The following ZNF527 variants were observed in gnomAD, a reference collection of about 807,000 sequenced individuals.
ZNF527 encodes zinc finger protein 527.
A neutral mutation model predicts 13.5 loss-of-function variants in ZNF527; 5 were observed. The ratio of observed to expected loss-of-function variants is 0.37; its 90% CI spans 0.19 to 0.78. The LOEUF is 0.78. Ranked by LOEUF, ZNF527 falls within the 30% of genes least tolerant of loss-of-function variation. ZNF527 has a pLI of 0.48. For missense variants in ZNF527, 628 were observed against 726.4 expected, an observed-to-expected ratio of 0.86 and a Z score of 1.56; for synonymous variants, 209 against 243.1, an observed-to-expected ratio of 0.86 and a Z score of 1.30.
rs768280603 is a variant in ZNF527, at chr19:37,388,787, T to TA, written c.738_739insA (p.Glu247ArgfsTer4). 1.3e-5 allele frequency: 21 copies of TA among 1,612,938 alleles called. No homozygotes were observed. In the Admixed American group the frequency reaches 3.5e-4, roughly 27 times the overall value. The stretch of plus-strand genomic sequence containing the variant: ...GAATTCCTCCTGGGGAGAAACCTTA[T>TA]GAAAGTCATGATTTTTCAAAGCTCT... On this transcript the variant is annotated frameshift_variant, in exon 5 of 5. Transcript: ENST00000436120. LOFTEE classifies it low-confidence loss of function (END_TRUNC).
intron 4 of ZNF527, among the ~76,000 whole-genome samples, 200 bp downstream of exon 4, chr19:37,380,572 G>A (rs939217461): frequency 6.6e-6 from 1 of 152,022 alleles, no homozygotes; most frequent in African/African-American, 2.4e-5. Flanking sequence ...CCTATACCTT[G>A]AATCTCAATC....
At chr19:37,387,492 CT>C (rs1373576701) in intron 4 of ZNF527, among the ~76,000 whole-genome samples, 2 of 152,218 alleles carry the variant, frequency 1.3e-5, no homozygotes, top group African/African-American at 4.8e-5. Flanking sequence ...GCTTTCCCCC[CT>C]CTACTAGGTA....
rs748814100 is a variant in ZNF527 at position 37,388,354 on chromosome 19, T to A, written c.305T>A (p.Ile102Asn). 2 of 1,613,962 alleles carry A rather than the reference T, an allele frequency of 1.2e-6. No homozygotes were observed. Among genetic ancestry groups the A allele is most frequent in the Non-Finnish European group, 1.7e-6 (2 of 1,179,988 alleles). Residue 102 changes from isoleucine to asparagine, a missense_variant, in exon 5 of 5, where the codon ATT (isoleucine) becomes AAT (asparagine). Transcript: ENST00000436120. ...GAGGAATTATCTCCAAAATGGTTCA[T>A]TGATGAAGATGAAATATCCCAGGAG... ...EIEELSPKWF[I>N]DEDEISQEMV...
At chr19:37,381,412 T>G (rs529936512) in intron 4 of ZNF527, among the ~76,000 whole-genome samples, 32 of 152,348 alleles carry the variant, frequency 2.1e-4, no homozygotes, top group African/African-American at 7.0e-4. Flanking sequence ...GCACTCAATT[T>G]GGATCTATCT....
At chr19:37,379,019 C>A in intron 2 of ZNF527, 101 bp from the exon 3 acceptor site, 1 of 1,311,604 alleles carries the variant, frequency 7.6e-7, no homozygotes. Context: ...AATTATTTTC[C>A]TCGCATCACT....
At chr19:37,380,236 C>A in intron 3 of ZNF527, 41 bp from the exon 4 acceptor site, 1 of 1,610,448 alleles carries the variant, frequency 6.2e-7, no homozygotes, top group Admixed American at 1.7e-5. Flanking sequence ...GTCTGTATGT[C>A]TTTCTGTCTC....
chr19:37,387,602 T>C (rs892690144), intron 4 of ZNF527, among the ~76,000 whole-genome samples: 1 of 152,234 alleles, frequency 6.6e-6, no homozygotes, highest in African/African-American at 2.4e-5. Context: ...TTCTAAAAAA[T>C]AGTTTTATTT....
intron 1 of ZNF527, among the ~76,000 whole-genome samples, chr19:37,372,468 T>A (rs1382837992): frequency 6.7e-5 from 4 of 60,000 alleles, no homozygotes; most frequent in African/African-American, 5.8e-4. Context: ...TTTTCTTTTC[T>A]TTTTTTTTTT....
At chr19:37,386,947 C>T (rs1212380947) in intron 4 of ZNF527, among the ~76,000 whole-genome samples, 1 of 149,922 alleles carries the variant, frequency 6.7e-6, no homozygotes, top group African/African-American at 2.4e-5. Context: ...TGACAAAGGA[C>T]AGGCGAACAA....
At position 37,383,610 on chromosome 19, in the gene ZNF527, C is replaced by G. The variant is rs145395361; in HGVS notation, c.256+3238C>G. On this transcript the variant is annotated intron_variant, in intron 4 of 4. Transcript: ENST00000436120. ...CTGGAGTGCAGTGGCGCAATCTTGG[C>G]TCACTGCAATCTCCACCTCCTGGGT... Among the ~76,000 whole-genome samples the G allele has an allele frequency of 2.2e-4, 34 of 151,222 alleles. No homozygotes were observed. The East Asian group carries it at 6.5e-3, about 29-fold the overall frequency.
intron 4 of ZNF527, chr19:37,384,904 A>G (rs1004113686): frequency 1.4e-6 from 1 of 701,622 alleles, no homozygotes; most frequent in East Asian, 2.7e-5. Context: ...GTGCAGTGGC[A>G]TGATCTTGGC....
In ZNF527 at chr19:37,389,082, C is replaced by A; in HGVS notation, c.1033C>A (p.Leu345Ile). 6.2e-7 allele frequency: 1 copy of A among 1,614,162 alleles called. No individual in the cohort carries two copies. The highest frequency in any genetic ancestry group is 8.5e-7 in the Non-Finnish European group (1 of 1,180,022). ...CAAAGCTTTCAGACAGAGTGCTCAC[C>A]TTGCTCAACATCAGAGGATCCACAC... is the stretch of plus-strand genomic sequence containing the variant. ...CNKAFRQSAH[L>I]AQHQRIHTGE... The change falls in exon 5 of 5, where the codon CTT (leucine) becomes ATT (isoleucine). Residue 345 changes from leucine (L) to isoleucine (I), a missense_variant. Coordinates refer to ENST00000436120, the MANE Select transcript of ZNF527 (RefSeq NM_032453.2).
intron 4 of ZNF527, among the ~76,000 whole-genome samples, chr19:37,382,406 T>G (rs1461050725): frequency 1.3e-5 from 2 of 152,210 alleles, no homozygotes; most frequent in Non-Finnish European, 2.9e-5. Context: ...TTTTATATAC[T>G]AAAACTATCA....
At chr19:37,371,584 G>C (rs1337590289) in intron 1 of ZNF527, among the ~76,000 whole-genome samples, 4 of 152,182 alleles carry the variant, frequency 2.6e-5, no homozygotes, top group Non-Finnish European at 5.9e-5. Context: ...GTGGTTATGT[G>C]ACCACCTGTT....
intron 4 of ZNF527, 82 bp downstream of exon 4, chr19:37,380,454 G>GTTCTCATCCCACCTGAA: frequency 8.5e-7 from 1 of 1,173,032 alleles, no homozygotes; most frequent in Non-Finnish European, 1.2e-6. Flanking sequence ...TTGAGCTTCA[G>GTTCTCATCCCACCTGAA]GTGGGATGAG....
At chr19:37,378,571 A>G (rs2040626434) in intron 2 of ZNF527, among the ~76,000 whole-genome samples, 1 of 152,250 alleles carries the variant, frequency 6.6e-6, no homozygotes, top group South Asian at 2.1e-4. Context: ...GTTCAGTGCT[A>G]TAGCCTAAAC....
chr19:37,375,931 C>T (rs569171070), intron 2 of ZNF527, among the ~76,000 whole-genome samples: 2 of 152,236 alleles, frequency 1.3e-5, no homozygotes, highest in South Asian at 2.1e-4. Context: ...CTGAAGAAGA[C>T]GAAGACTGAG....
rs747952916 is a variant in ZNF527, at chr19:37,389,119, C to T, written c.1070C>T (p.Pro357Leu). ...QHQRIHTGEK[P>L]FACNECGKAF... is the part of the protein sequence containing the mutation. ...CAGAGGATCCACACTGGAGAGAAAC[C>T]GTTTGCGTGCAATGAATGTGGGAAG... Residue 357 changes from proline to leucine, a missense_variant, in exon 5 of 5, where the codon CCG becomes CTG. Physicochemically the swap from Pro to Leu is moderately conservative, Grantham distance 98. Around this residue, in one of 3 missense-constraint regions of ZNF527, gnomAD observed 592 missense variants for 678.0 expected, o/e 0.87. Transcript: ENST00000436120. 8.7e-6 allele frequency: 14 copies of T among 1,614,090 alleles called. No homozygotes were observed. The highest frequency in any genetic ancestry group is 1.3e-5 in the African/African-American group (1 of 74,940).
At chr19:37,378,667 C>T (rs1457551013) in intron 2 of ZNF527, among the ~76,000 whole-genome samples, 3 of 152,160 alleles carry the variant, frequency 2.0e-5, no homozygotes, top group Non-Finnish European at 4.4e-5. Context: ...ACATATACCT[C>T]ATTATTTCTT....
Sources: gnomAD v4.1 joint callset for allele counts (sites outside exome capture counted in the v4.1 genomes callset) on GRCh38, gnomAD v4.1.1 for gene constraint, gnomAD v4.1.1 regional missense constraint, MANE v1.5 for transcripts, NCBI Gene and HGNC (gene_info 2026-07-23, HGNC 2026-07-21) for gene names.